RANBP2: variants seen among roughly 807,000 people sequenced by gnomAD.
RANBP2 encodes the protein E3 SUMO-protein ligase RanBP2.
Under a neutral mutation model 303.6 loss-of-function variants are expected in RANBP2, and 57 were observed. The ratio of observed to expected loss-of-function variants is 0.19; its 90% CI spans 0.15 to 0.23. RANBP2 has a LOEUF of 0.23. Among genes scored for constraint, RANBP2 ranks in the 10% least tolerant of loss-of-function variants. The pLI is 1.00. For missense variants in RANBP2, 3,138 were observed against 3,780.8 expected (o/e 0.83, Z 4.46); for synonymous variants, 1,167 against 1,301.5 (o/e 0.90, Z 2.23).
chr2:109,536,052 T>G, the RANBP2 span, among the ~76,000 whole-genome samples: 99 of 87,538 alleles, frequency 1.1e-3, no homozygotes, highest in East Asian at 2.6e-3. Flanking sequence ...TGGGTGGGGG[T>G]GGGGGGGGGG....
chr2:109,390,462 T>C, the RANBP2 span, among the ~76,000 whole-genome samples: 3 of 152,126 alleles, frequency 2.0e-5, no homozygotes, highest in Admixed American at 2.0e-4. Context: ...TCCTGGAATC[T>C]TCCTTCTGGC....
chr2:109,574,725 G>C, the RANBP2 span: 2 of 1,601,770 alleles, frequency 1.2e-6, no homozygotes, highest in Non-Finnish European at 1.7e-6. Context: ...CTTGGAGATA[G>C]GCCTCAAACT....
chr2:108,957,309 T>C, the RANBP2 span, among the ~76,000 whole-genome samples: 4 of 152,250 alleles, frequency 2.6e-5, no homozygotes, highest in African/African-American at 4.8e-5. Context: ...CTCTTGTTTA[T>C]GGGCAGAGAT....
chr2:109,637,185 C>G, the RANBP2 span, among the ~76,000 whole-genome samples: 1 of 152,204 alleles, frequency 6.6e-6, no homozygotes, highest in African/African-American at 2.4e-5. Flanking sequence ...ATGTTTCTCT[C>G]CACCCAAACA....
At chr2:108,860,133 AT>A in the RANBP2 span, among the ~76,000 whole-genome samples, 162 of 145,818 alleles carry the variant, frequency 1.1e-3, no homozygotes, top group Middle Eastern at 3.6e-3. Flanking sequence ...AATGCTTCTG[AT>A]TTTTTTTTTT....
At chr2:109,091,762 A>G in the RANBP2 span, among the ~76,000 whole-genome samples, 1 of 152,172 alleles carries the variant, frequency 6.6e-6, no homozygotes, top group Non-Finnish European at 1.5e-5. Flanking sequence ...TGCTGACCCA[A>G]TGTGCATGGA....
At chr2:108,802,836 T>G in the RANBP2 span, among the ~76,000 whole-genome samples, 4 of 152,194 alleles carry the variant, frequency 2.6e-5, no homozygotes, top group African/African-American at 9.6e-5. Flanking sequence ...GTTTTCAGCA[T>G]GAAGGGTTGT....
the RANBP2 span, among the ~76,000 whole-genome samples, chr2:109,156,122 C>T: frequency 1.3e-5 from 2 of 152,224 alleles, no homozygotes; most frequent in Non-Finnish European, 2.9e-5. Flanking sequence ...TGCTAGCCAT[C>T]CTCCCAATTT....
chr2:108,768,894 G>A (rs562679267), intron 20 of RANBP2, among the ~76,000 whole-genome samples: 4 of 152,136 alleles, frequency 2.6e-5, no homozygotes, highest in South Asian at 2.1e-4. Flanking sequence ...TGAGCCGGGC[G>A]TCGTGGTGCG....
At chr2:109,371,666 G>C in the RANBP2 span, 12 of 1,613,626 alleles carry the variant, frequency 7.4e-6, no homozygotes, top group African/African-American at 1.3e-5. Context: ...GGATCTTCCC[G>C]CTCCTGTACG....
chr2:108,910,008 C>T, the RANBP2 span, among the ~76,000 whole-genome samples: 1 of 152,236 alleles, frequency 6.6e-6, no homozygotes, highest in African/African-American at 2.4e-5. Flanking sequence ...ACAGCCCTAG[C>T]CCAGCACTTG....
the RANBP2 span, among the ~76,000 whole-genome samples, chr2:109,047,080 A>C: frequency 1.3e-5 from 2 of 151,570 alleles, no homozygotes; most frequent in African/African-American, 4.9e-5. Flanking sequence ...TCCCACCGAG[A>C]ACCCAGCTCC....
chr2:109,302,901 G>A, the RANBP2 span, among the ~76,000 whole-genome samples: 8 of 152,220 alleles, frequency 5.3e-5, no homozygotes, highest in South Asian at 1.7e-3. Context: ...TTTTGAGGCA[G>A]AGTCTTGCTC....
At chr2:109,087,735 G>C in the RANBP2 span, among the ~76,000 whole-genome samples, 1 of 152,212 alleles carries the variant, frequency 6.6e-6, no homozygotes, top group Non-Finnish European at 1.5e-5. Flanking sequence ...CAGGGAGCTT[G>C]GAAGGATGTG....
chr2:109,707,431 A>C, the RANBP2 span, among the ~76,000 whole-genome samples: 10 of 152,246 alleles, frequency 6.6e-5, no homozygotes, highest in South Asian at 4.1e-4. Flanking sequence ...TTATGGGCTT[A>C]TTGGAAAGCA....
chr2:109,032,070 C>T, the RANBP2 span, among the ~76,000 whole-genome samples: 3 of 152,090 alleles, frequency 2.0e-5, no homozygotes, highest in Non-Finnish European at 4.4e-5. Flanking sequence ...TATCTTCTTT[C>T]CCTTTCTTCG....
At chr2:109,259,459 A>G in the RANBP2 span, among the ~76,000 whole-genome samples, 146 of 152,276 alleles carry the variant, frequency 9.6e-4, 1 homozygote, top group African/African-American at 3.3e-3. Context: ...TGCATTGGCT[A>G]TTGTGGGCCT....
chr2:109,446,714 G>C, the RANBP2 span, among the ~76,000 whole-genome samples: 2 of 152,194 alleles, frequency 1.3e-5, no homozygotes, highest in East Asian at 3.9e-4. Flanking sequence ...AGGCCAGTGT[G>C]GCTGAGGGGA....
the RANBP2 span, among the ~76,000 whole-genome samples, chr2:109,237,265 A>G: frequency 2.6e-5 from 4 of 152,242 alleles, no homozygotes; most frequent in African/African-American, 4.8e-5. Flanking sequence ...GGAACTGACA[A>G]TAATTAATGT....
Sources: allele counts gnomAD v4.1 joint callset (sites outside exome capture counted in the v4.1 genomes callset), GRCh38; gene constraint gnomAD v4.1.1; transcripts MANE v1.5; gene names NCBI Gene and HGNC (gene_info 2026-07-23, HGNC 2026-07-21).